The following FNIP2 variants were observed in gnomAD, a reference collection of about 807,000 sequenced individuals.
FNIP2 encodes folliculin-interacting protein 2.
In FNIP2, 32 loss-of-function variants were observed where a neutral mutation model predicts 108.7. The ratio of observed to expected loss-of-function variants is 0.29; its 90% confidence interval spans 0.22 to 0.40. FNIP2 has a LOEUF of 0.40. Ranked by LOEUF, FNIP2 falls within the 10% of genes least tolerant of loss-of-function variation. The pLI is 1.00. For missense variants in FNIP2, 1,202 were observed against 1,381.6 expected (o/e 0.87, Z 2.06); for synonymous variants, 480 against 496.7 (o/e 0.97, Z 0.45).
chr4:158,878,818 T>C (rs1781423425), intron 14 of FNIP2, among the ~76,000 whole-genome samples: 1 of 151,394 alleles, frequency 6.6e-6, no homozygotes, highest in Non-Finnish European at 1.5e-5. Context: ...ATTGGAACCT[T>C]AAAAAAAAGA....
At chr4:158,837,056 T>C (rs139075173) in intron 7 of FNIP2, among the ~76,000 whole-genome samples, 129 of 152,322 alleles carry the variant, frequency 8.5e-4, no homozygotes, top group Non-Finnish European at 9.3e-4. Flanking sequence ...CAGAGCTTAG[T>C]GTCCCAAAGC....
rs34559553 is a variant in FNIP2 at position 158,876,063 on chromosome 4, A to G, written c.2949+5594A>G. 4.8e-3 allele frequency among the ~76,000 whole-genome samples: 730 copies of G among 152,324 alleles called. 3 individuals are homozygous for G. In the Middle Eastern group the frequency reaches 0.051, roughly 11 times the overall value. On this transcript the variant is annotated intron_variant, in intron 14 of 16. Transcript: ENST00000264433. ...TCATGCCAGGTTATGTCATATAAGC[A>G]TGTATGCCAGGTCATGATGTTAAAA...
intron 1 of FNIP2, among the ~76,000 whole-genome samples, chr4:158,797,797 G>T (rs1393711581): frequency 6.6e-6 from 1 of 152,150 alleles, no homozygotes; most frequent in Non-Finnish European, 1.5e-5. Context: ...CTCTCCACTG[G>T]CATGAGTCAA....
At chr4:158,778,998 T>C (rs1024934211) in intron 1 of FNIP2, among the ~76,000 whole-genome samples, 1 of 152,204 alleles carries the variant, frequency 6.6e-6, no homozygotes, top group Admixed American at 6.5e-5. Context: ...AGCGGCTGTT[T>C]AGTGGAGATG....
chr4:158,860,804 G>A (rs948519638), intron 10 of FNIP2, among the ~76,000 whole-genome samples: 9 of 151,726 alleles, frequency 5.9e-5, no homozygotes, highest in African/African-American at 1.5e-4. Flanking sequence ...TTACAGGCGC[G>A]CGCCACCATG....
At chr4:158,874,536 C>T (rs1054644380) in intron 14 of FNIP2, among the ~76,000 whole-genome samples, 2 of 145,950 alleles carry the variant, frequency 1.4e-5, no homozygotes, top group African/African-American at 2.5e-5. Flanking sequence ...TGCCTGTAGT[C>T]CCAGCTACTC....
chr4:158,774,674 A>G (rs1293517525), intron 1 of FNIP2, among the ~76,000 whole-genome samples: 1 of 152,190 alleles, frequency 6.6e-6, no homozygotes, highest in East Asian at 1.9e-4. Flanking sequence ...AATGTTTACT[A>G]GTTTGACAGG....
intron 1 of FNIP2, among the ~76,000 whole-genome samples, chr4:158,784,445 G>A (rs565138181): frequency 6.6e-6 from 1 of 152,276 alleles, no homozygotes; most frequent in South Asian, 2.1e-4. Flanking sequence ...ATGGTTTTGG[G>A]ATGATTCAAG....
Position 158,869,404 on chromosome 4 carries a change from T to C in FNIP2, c.2768T>C (p.Leu923Ser), listed in dbSNP as rs767344275. The C allele has an allele frequency of 1.8e-4, 287 of 1,605,226 alleles. No individual in the cohort carries two copies. The highest frequency in any genetic ancestry group is 6.1e-4 in the Admixed American group (36 of 59,014). The change falls in exon 13 of 17, where the codon TTG becomes TCG. Residue 923 changes from leucine to serine, a missense_variant. Physicochemically the swap from Leu to Ser is moderately radical, Grantham distance 145. Coordinates refer to ENST00000264433, the MANE Select transcript of FNIP2 (RefSeq NM_020840.3). Reference protein sequence around the residue: ...GHGGDRTGGSLEVELPLPRSQ... With the variant: ...GHGGDRTGGSSEVELPLPRSQ... Reference sequence around the variant, plus strand: ...GGTGGTGACAGGACTGGAGGGTCCTTGGAAGTGGAGCTGCCTCTGCCAAGG... The same window carrying C: ...GGTGGTGACAGGACTGGAGGGTCCTCGGAAGTGGAGCTGCCTCTGCCAAGG...
In FNIP2 at chr4:158,904,717, G is replaced by A. The variant is rs1260104702; in HGVS notation, c.*173G>A. ...AAGCTGATGCTTCATTGAAGACTTA[G>A]GTTTACTTGACATAATAGCATTTGT... On this transcript the variant is annotated 3_prime_UTR_variant, in exon 17 of 17. Transcript: ENST00000264433. 1 of 600,006 alleles carries A rather than the reference G, an allele frequency of 1.7e-6. No homozygotes were observed. The highest frequency in any genetic ancestry group is 2.9e-6 in the Non-Finnish European group (1 of 339,204). The allele number at this position is 600,006 out of a possible 1,614,324, so 37.2% of individuals were successfully genotyped here. A position where few individuals can be genotyped will look rare whatever the true frequency, so the allele number is the denominator to read the frequency against.
chr4:158,863,587 T>C (rs1358150775), intron 12 of FNIP2, among the ~76,000 whole-genome samples: 1 of 152,184 alleles, frequency 6.6e-6, no homozygotes, highest in Non-Finnish European at 1.5e-5. Flanking sequence ...CTGTGTACAA[T>C]GTGATCGCCA....
At chr4:158,897,827 A>G (rs1222531306) in intron 16 of FNIP2, among the ~76,000 whole-genome samples, 1 of 152,212 alleles carries the variant, frequency 6.6e-6, no homozygotes, top group African/African-American at 2.4e-5. Flanking sequence ...TGCTGTGAAG[A>G]AACTCTTTAG....
intron 1 of FNIP2, among the ~76,000 whole-genome samples, chr4:158,815,413 T>C (rs1219910037): frequency 6.6e-6 from 1 of 151,226 alleles, no homozygotes; most frequent in Non-Finnish European, 1.5e-5. Context: ...GACGGAGTCT[T>C]GCTCTCTCGC....
chr4:158,870,933 G>A (rs780262540), intron 14 of FNIP2, among the ~76,000 whole-genome samples: 3 of 152,264 alleles, frequency 2.0e-5, no homozygotes, highest in Non-Finnish European at 4.4e-5. Context: ...AGGGCAAGGA[G>A]CTGCTCTGGG....
At chr4:158,824,153 A>G (rs1778030648) in intron 1 of FNIP2, among the ~76,000 whole-genome samples, 1 of 152,250 alleles carries the variant, frequency 6.6e-6, no homozygotes, top group South Asian at 2.1e-4. Flanking sequence ...TAAAAATCAT[A>G]ACATTACCAA....
intron 12 of FNIP2, among the ~76,000 whole-genome samples, chr4:158,864,138 A>G (rs1372909975): frequency 6.6e-6 from 1 of 152,094 alleles, no homozygotes; most frequent in Non-Finnish European, 1.5e-5. Context: ...GGCTCAAGTG[A>G]TCCTTCCACC....
intron 7 of FNIP2, among the ~76,000 whole-genome samples, chr4:158,839,788 C>T (rs976429217): frequency 2.0e-5 from 3 of 152,118 alleles, no homozygotes; most frequent in Non-Finnish European, 2.9e-5. Context: ...ATTTTGAGCA[C>T]TTCCTTACTT....
intron 3 of FNIP2, among the ~76,000 whole-genome samples, chr4:158,830,299 A>G (rs1578879443): frequency 8.4e-6 from 1 of 118,796 alleles, no homozygotes; most frequent in African/African-American, 3.3e-5. Context: ...TCTGTCGCCC[A>G]GGCCGGACTG....
At chr4:158,897,394 C>T (rs1224343152) in intron 16 of FNIP2, among the ~76,000 whole-genome samples, 1 of 152,176 alleles carries the variant, frequency 6.6e-6, no homozygotes, top group Non-Finnish European at 1.5e-5. Context: ...ATTTCTAGTT[C>T]TAGATCCTTG....
Sources: allele counts gnomAD v4.1 joint callset (sites outside exome capture counted in the v4.1 genomes callset), GRCh38; gene constraint gnomAD v4.1.1; transcripts MANE v1.5; gene names NCBI Gene and HGNC (gene_info 2026-07-23, HGNC 2026-07-21).